ARHGAP15: variants seen among roughly 807,000 people sequenced by gnomAD.
ARHGAP15 encodes the protein Rho GTPase activating protein 15, also known as rho GTPase-activating protein 15.
Under a neutral mutation model 63.7 loss-of-function variants are expected in ARHGAP15, and 51 were observed. The observed-to-expected ratio is 0.80, with a 90% confidence interval of 0.64 to 1.01. The LOEUF is 1.01. Ranked by LOEUF, ARHGAP15 falls within the 50% of genes least tolerant of loss-of-function variation. ARHGAP15 has a pLI of 0.00. For synonymous variants in ARHGAP15, 191 were observed against 193.8 expected (o/e 0.99, Z 0.12); for missense variants, 560 against 564.6 (o/e 0.99, Z 0.08).
chr2:143,646,102 G>A (rs12691686), intron 12 of ARHGAP15, among the ~76,000 whole-genome samples: 123,130 of 151,976 alleles, frequency 0.81, 52,155 homozygotes, highest in South Asian at 0.96. Context: ...GTTGCACTCA[G>A]GAAATTCACA....
At chr2:143,527,109 A>G (rs553760927) in intron 10 of ARHGAP15, among the ~76,000 whole-genome samples, 5 of 152,216 alleles carry the variant, frequency 3.3e-5, no homozygotes, top group African/African-American at 4.8e-5. Context: ...TAAAGTTTAT[A>G]CCAAAAAAAA....
chr2:143,580,379 T>G (rs772699569), intron 11 of ARHGAP15, among the ~76,000 whole-genome samples: 38 of 152,156 alleles, frequency 2.5e-4, no homozygotes, highest in Admixed American at 6.6e-4. Context: ...CACATCCAAT[T>G]ATTTCCAGCC....
At chr2:143,235,484 A>T (rs1361910438) in intron 5 of ARHGAP15, among the ~76,000 whole-genome samples, 1 of 152,150 alleles carries the variant, frequency 6.6e-6, no homozygotes, top group Non-Finnish European at 1.5e-5. Context: ...GATTGAGAAG[A>T]GTTTCATGGC....
chr2:143,365,470 C>A (rs181733609), intron 6 of ARHGAP15, among the ~76,000 whole-genome samples: 420 of 152,320 alleles, frequency 2.8e-3, no homozygotes, highest in African/African-American at 9.5e-3. Context: ...GCTGATCCCT[C>A]TATTTGCACA....
intron 11 of ARHGAP15, among the ~76,000 whole-genome samples, chr2:143,587,326 G>A (rs1350952668): frequency 6.6e-6 from 1 of 152,122 alleles, no homozygotes; most frequent in African/African-American, 2.4e-5. Context: ...ATATGACTGT[G>A]TATGGTTTGA....
chr2:143,292,523 A>G (rs530429699), intron 6 of ARHGAP15, among the ~76,000 whole-genome samples: 51 of 152,136 alleles, frequency 3.4e-4, no homozygotes, highest in Non-Finnish European at 5.7e-4. Context: ...AATGTCATTT[A>G]TATACTTCAC....
chr2:143,657,638 A>T (rs1681524902), intron 12 of ARHGAP15, among the ~76,000 whole-genome samples: 1 of 152,236 alleles, frequency 6.6e-6, no homozygotes, highest in Non-Finnish European at 1.5e-5. Flanking sequence ...ATAATTTAAA[A>T]GTTCAGAGAA....
At chr2:143,641,516 T>C (rs1303156626) in intron 12 of ARHGAP15, among the ~76,000 whole-genome samples, 1 of 152,128 alleles carries the variant, frequency 6.6e-6, no homozygotes, top group East Asian at 1.9e-4. Flanking sequence ...TTACATCTCA[T>C]CAAAAGTTAC....
At chr2:143,168,003 T>C (rs1451961004) in intron 2 of ARHGAP15, among the ~76,000 whole-genome samples, 2 of 152,108 alleles carry the variant, frequency 1.3e-5, no homozygotes, top group Admixed American at 1.3e-4. Context: ...TAACAACTGT[T>C]GGTCATAAAT....
intron 13 of ARHGAP15, among the ~76,000 whole-genome samples, chr2:143,756,039 C>T (rs1686565118): frequency 6.6e-6 from 1 of 152,014 alleles, no homozygotes; most frequent in Non-Finnish European, 1.5e-5. Context: ...TGATGATACC[C>T]AAATTGCAAC....
chr2:143,204,484 G>A (rs1316982249), intron 3 of ARHGAP15, among the ~76,000 whole-genome samples: 2 of 152,030 alleles, frequency 1.3e-5, no homozygotes, highest in Non-Finnish European at 2.9e-5. Context: ...AAGAGAACTG[G>A]GGTCCCTTTT....
At chr2:143,678,088 T>C (rs1334477966) in intron 12 of ARHGAP15, among the ~76,000 whole-genome samples, 1 of 152,084 alleles carries the variant, frequency 6.6e-6, no homozygotes, top group Non-Finnish European at 1.5e-5. Flanking sequence ...GGTGCATGAC[T>C]GTAATCCAGC....
At chr2:143,228,736 T>A (rs918922192) in intron 5 of ARHGAP15, 68 bp downstream of exon 5, 19 of 1,217,622 alleles carry the variant, frequency 1.6e-5, no homozygotes, top group Non-Finnish European at 2.0e-5. Context: ...AAGTTTGGTT[T>A]TATCAGAAAT....
chr2:143,527,459 C>T (rs747382592), intron 10 of ARHGAP15, among the ~76,000 whole-genome samples: 4 of 147,652 alleles, frequency 2.7e-5, no homozygotes, highest in Non-Finnish European at 4.5e-5. Flanking sequence ...CGTTTCAAGT[C>T]GCTTCCTATT....
intron 2 of ARHGAP15, among the ~76,000 whole-genome samples, chr2:143,190,250 T>C (rs1159476770): frequency 6.6e-6 from 1 of 152,224 alleles, no homozygotes; most frequent in African/African-American, 2.4e-5. Flanking sequence ...AAATGCTGAT[T>C]AAAATTTCCT....
intron 6 of ARHGAP15, among the ~76,000 whole-genome samples, chr2:143,363,658 C>A (rs1686162324): frequency 6.6e-6 from 1 of 152,074 alleles, no homozygotes; most frequent in African/African-American, 2.4e-5. Context: ...TTCTATATAC[C>A]ACCTATCATT....
In ARHGAP15 at chr2:143,637,012, A is replaced by G. The variant is rs547005533; in HGVS notation, c.1138+12745A>G. On this transcript the variant is annotated intron_variant, in intron 12 of 13. Transcript: ENST00000295095. The stretch of plus-strand genomic sequence containing the variant: ...CAAGATCATTGTGTCCTCAAATACA[A>G]GAAGGAGTGGGCTCTGATCTTTCCC... Among the ~76,000 whole-genome samples, 4 of 152,206 alleles carry G rather than the reference A, an allele frequency of 2.6e-5. No individual in the cohort carries two copies. The South Asian group carries it at 8.3e-4, about 32-fold the overall frequency.
intron 6 of ARHGAP15, among the ~76,000 whole-genome samples, chr2:143,403,953 G>A (rs1688093964): frequency 6.6e-6 from 1 of 151,206 alleles, no homozygotes; most frequent in African/African-American, 2.4e-5. Context: ...AAAGGAAGGG[G>A]AGCCACATTA....
At chr2:143,434,450 T>G (rs1412113656) in intron 6 of ARHGAP15, among the ~76,000 whole-genome samples, 1 of 152,110 alleles carries the variant, frequency 6.6e-6, no homozygotes, top group Non-Finnish European at 1.5e-5. Flanking sequence ...ATGAGAATCC[T>G]TGAAACCTTC....
Sources: gnomAD v4.1 joint callset for allele counts (sites outside exome capture counted in the v4.1 genomes callset) on GRCh38, gnomAD v4.1.1 for gene constraint, MANE v1.5 for transcripts, NCBI Gene and HGNC (gene_info 2026-07-23, HGNC 2026-07-21) for gene names.